DCLK1: variants seen among roughly 807,000 people sequenced by gnomAD.
DCLK1 encodes doublecortin like kinase 1, also known as serine/threonine-protein kinase DCLK1.
In DCLK1, 16 loss-of-function variants were observed where a neutral mutation model predicts 86.2. The observed-to-expected ratio is 0.19, with a 90% CI of 0.13 to 0.28. The LOEUF (loss-of-function observed/expected upper bound fraction) is 0.28. Ranked by LOEUF, DCLK1 falls within the 10% of genes least tolerant of loss-of-function variation. The pLI is 1.00. For missense variants in DCLK1, 590 were observed against 940.2 expected (o/e 0.63, Z 4.87); for synonymous variants, 369 against 370.5 (o/e 1.00, Z 0.05).
chr13:35,912,383 C>A (rs541010824), intron 4 of DCLK1, among the ~76,000 whole-genome samples: 12 of 152,238 alleles, frequency 7.9e-5, no homozygotes, highest in African/African-American at 2.9e-4. Flanking sequence ...CGAATGTTGT[C>A]TTTTTCAAAA....
intron 3 of DCLK1, among the ~76,000 whole-genome samples, chr13:36,072,997 A>G (rs1884033684): frequency 6.6e-6 from 1 of 152,208 alleles, no homozygotes; most frequent in African/African-American, 2.4e-5. Context: ...CATCTAAGAT[A>G]TTACTCGCTT....
intron 3 of DCLK1, among the ~76,000 whole-genome samples, chr13:36,075,913 T>C (rs940883562): frequency 1.3e-5 from 2 of 152,022 alleles, no homozygotes; most frequent in Non-Finnish European, 2.9e-5. Flanking sequence ...TAGTCCCAGC[T>C]ACTCGGGAGG....
At chr13:35,924,410 G>A (rs1226285973) in intron 4 of DCLK1, among the ~76,000 whole-genome samples, 1 of 152,176 alleles carries the variant, frequency 6.6e-6, no homozygotes, top group African/African-American at 2.4e-5. Flanking sequence ...AGCACTTTCG[G>A]AGGCTGAGGC....
chr13:36,039,086 G>A (rs1411669018), intron 3 of DCLK1, among the ~76,000 whole-genome samples: 1 of 152,164 alleles, frequency 6.6e-6, no homozygotes, highest in African/African-American at 2.4e-5. Context: ...ATTTTGATCT[G>A]TCACTGTTGT....
chr13:35,978,742 TACCCTG>T (rs927738135), intron 3 of DCLK1, among the ~76,000 whole-genome samples: 6 of 152,176 alleles, frequency 3.9e-5, no homozygotes, highest in Non-Finnish European at 7.4e-5. Context: ...AATTTACACT[TACCCTG>T]ACAAGAGATT....
intron 4 of DCLK1, among the ~76,000 whole-genome samples, chr13:35,918,892 G>GTGTT (rs780502143): frequency 3.9e-5 from 3 of 76,324 alleles, no homozygotes; most frequent in African/African-American, 1.3e-4. Context: ...TTCTGAGTGT[G>GTGTT]TTTTTTTTTT....
intron 4 of DCLK1, among the ~76,000 whole-genome samples, chr13:35,901,891 T>C: frequency 6.7e-6 from 1 of 148,514 alleles, no homozygotes; most frequent in Admixed American, 6.7e-5. Context: ...CAGAGCAAAT[T>C]TTTTTTTTTT....
chr13:35,813,728 C>T (rs1387960852), intron 11 of DCLK1, among the ~76,000 whole-genome samples: 11 of 137,832 alleles, frequency 8.0e-5, no homozygotes, highest in East Asian at 4.7e-4. Context: ...TGCCCCGCCC[C>T]GCTTTTTTTT....
chr13:36,062,064 G>C (rs1439262029), intron 3 of DCLK1, among the ~76,000 whole-genome samples: 2 of 152,092 alleles, frequency 1.3e-5, no homozygotes, highest in Non-Finnish European at 2.9e-5. Context: ...CTTCAGTTGA[G>C]CTTCCTGTCA....
chr13:36,076,007 G>A (rs1043529600), intron 3 of DCLK1, among the ~76,000 whole-genome samples: 6 of 152,050 alleles, frequency 3.9e-5, no homozygotes, highest in Admixed American at 1.3e-4. Context: ...CCTGGGCAAC[G>A]GAAGCAGGCT....
chr13:35,798,457 G>A (rs1363408221), intron 15 of DCLK1, among the ~76,000 whole-genome samples: 5 of 152,114 alleles, frequency 3.3e-5, no homozygotes, highest in Admixed American at 6.5e-5. Context: ...ATATTCCCAC[G>A]TAGTTTAAAA....
At chr13:35,966,629 C>T (rs921593657) in intron 3 of DCLK1, among the ~76,000 whole-genome samples, 3 of 151,750 alleles carry the variant, frequency 2.0e-5, no homozygotes, top group Non-Finnish European at 2.9e-5. Context: ...CTCAGCCTGC[C>T]GAGTGCCTGG....
chr13:35,844,190 ATAAG>A (rs1258436299), intron 6 of DCLK1, among the ~76,000 whole-genome samples: 1 of 152,244 alleles, frequency 6.6e-6, no homozygotes, highest in Non-Finnish European at 1.5e-5. Context: ...AAGCATGAGC[ATAAG>A]TAAGAATGAA....
In DCLK1 at chr13:35,827,823, A is replaced by T. The variant is rs113275913; in HGVS notation, c.1288-69T>A. The stretch of plus-strand genomic sequence containing the variant: ...GTGGAGGGCTAACTCAAATGAGTAC[A>T]ACTATACTATGTAAGGGTCAAGAGA... On this transcript the variant is annotated intron_variant, in intron 9 of 16. Coordinates refer to ENST00000360631, the MANE Select transcript of DCLK1 (RefSeq NM_001330071.2). 1.6e-5 allele frequency: 26 copies of T among 1,576,094 alleles called. No individual in the cohort carries two copies. In the African/African-American group the frequency reaches 1.8e-4, roughly 11 times the overall value.
At chr13:35,915,204 A>G (rs1416366266) in intron 4 of DCLK1, among the ~76,000 whole-genome samples, 2 of 152,214 alleles carry the variant, frequency 1.3e-5, no homozygotes, top group Non-Finnish European at 2.9e-5. Flanking sequence ...AAGAAATAAA[A>G]AATTATGTTT....
Position 35,913,356 on chromosome 13 carries a change from A to C in DCLK1, c.823+34002T>G, listed in dbSNP as rs1018745735. Among the ~76,000 whole-genome samples, 7 of 152,172 alleles carry C rather than the reference A, an allele frequency of 4.6e-5. No individual in the cohort carries two copies. In the East Asian group the frequency reaches 1.2e-3, roughly 25 times the overall value. On this transcript the variant is annotated intron_variant, in intron 4 of 16. Transcript: ENST00000360631. ...CCTACCTAAAATACATTTTCCCCTT[A>C]GCATACAATATTCATACCCAGTGCT...
At chr13:36,101,987 C>T (rs1351833516) in intron 3 of DCLK1, among the ~76,000 whole-genome samples, 3 of 152,132 alleles carry the variant, frequency 2.0e-5, no homozygotes, top group African/African-American at 7.2e-5. Flanking sequence ...AAGTGATCTG[C>T]CTGCCTCAGC....
intron 4 of DCLK1, among the ~76,000 whole-genome samples, chr13:35,878,987 T>C (rs774991781): frequency 6.6e-6 from 1 of 152,116 alleles, no homozygotes; most frequent in Non-Finnish European, 1.5e-5. Context: ...GGTTTCACCA[T>C]GTTGGCCAGG....
At chr13:35,819,178 G>A (rs1480666160) in intron 11 of DCLK1, among the ~76,000 whole-genome samples, 2 of 152,116 alleles carry the variant, frequency 1.3e-5, no homozygotes, top group African/African-American at 4.8e-5. Context: ...ATCAATTTGG[G>A]GGGAAAAACT....
Sources: gnomAD v4.1 joint callset for allele counts (sites outside exome capture counted in the v4.1 genomes callset) on GRCh38, gnomAD v4.1.1 for gene constraint, MANE v1.5 for transcripts, NCBI Gene and HGNC (gene_info 2026-07-23, HGNC 2026-07-21) for gene names.